Variants in RASSF4 observed in about 807,000 individuals in gnomAD.
RASSF4 encodes the protein Ras association domain family member 4.
Under a neutral mutation model 41.1 loss-of-function variants are expected in RASSF4, and 38 were observed. The observed-to-expected ratio is 0.92, with a 90% CI of 0.71 to 1.21. RASSF4 has a LOEUF of 1.21. RASSF4 is among the 50% of genes most tolerant of loss of function. The probability of loss-of-function intolerance (pLI) is 0.00; values close to 1 mark genes in which losing one functional copy is unlikely to be tolerated. For synonymous variants in RASSF4, 179 were observed against 163.4 expected (o/e 1.10, Z -0.73); for missense variants, 414 against 419.4 (o/e 0.99, Z 0.11).
chr10:44,982,604 C>A lies in RASSF4; in HGVS notation c.222C>A (p.Asp74Glu). 6.2e-7 allele frequency: 1 copy of A among 1,613,116 alleles called. No individual in the cohort carries two copies. Among genetic ancestry groups the A allele is most frequent in the Middle Eastern group, 1.7e-4 (1 of 6,048 alleles). ...CCATCCGGCTGCAGATGCAGGATGA[C>A]CGGGAGCAGGTGCACCTCCCCTCCA... ...RRPIRLQMQD[D>E]REQVHLPSTS... is the part of the protein sequence containing the mutation. Residue 74 changes from aspartate to glutamate, a missense_variant, in exon 4 of 11, where the codon GAC becomes GAA. Transcript: ENST00000340258.
chr10:44,982,361 C>T (rs1283106816), intron 3 of RASSF4, 160 bp from the exon 4 acceptor site: 6 of 871,316 alleles, frequency 6.9e-6, no homozygotes, highest in Middle Eastern at 2.2e-4. Flanking sequence ...TGGTCACACG[C>T]CCCAGGGCAC....
At chr10:44,974,477 G>A (rs1345787544) in intron 3 of RASSF4, among the ~76,000 whole-genome samples, 2 of 152,236 alleles carry the variant, frequency 1.3e-5, no homozygotes, top group Non-Finnish European at 2.9e-5. Flanking sequence ...TTTCCATTAG[G>A]CTTTGGAGGT....
rs78587105 is a variant in RASSF4 at position 44,982,217 on chromosome 10, T to C, written c.139-304T>C. The C allele has an allele frequency of 6.5e-3, 2,737 of 418,408 alleles. 72 individuals carry two copies. The highest frequency in any genetic ancestry group is 0.049 in the African/African-American group (2,338 of 47,260). 25.9% of individuals were successfully genotyped at this position (418,408 alleles called of 1,614,324 possible). A position where few individuals can be genotyped will look rare whatever the true frequency, so the allele number is the denominator to read the frequency against. On this transcript the variant is annotated intron_variant, in intron 3 of 10. Transcript: ENST00000340258. ...GGCTGTGCGTCCCTGGAACCACTTC[T>C]TCACCGCGGTGTGGACGTGCCTGCC...
At chr10:44,982,781 C>A in intron 4 of RASSF4, 118 bp downstream of exon 4, 1 of 1,112,932 alleles carries the variant, frequency 9.0e-7, no homozygotes, top group Non-Finnish European at 1.3e-6. Context: ...GGAGGGTGAC[C>A]CAGCCTCATC....
chr10:44,985,264 C>T (rs1348064205), intron 6 of RASSF4, among the ~76,000 whole-genome samples: 1 of 152,168 alleles, frequency 6.6e-6, no homozygotes, highest in Non-Finnish European at 1.5e-5. Context: ...AGGAGGCTTC[C>T]CCCCGAACTC....
chr10:44,969,336 T>TGA (rs1234424838), intron 1 of RASSF4, among the ~76,000 whole-genome samples: 3 of 151,650 alleles, frequency 2.0e-5, no homozygotes, highest in Non-Finnish European at 4.4e-5. Flanking sequence ...AGGCTGTGTG[T>TGA]GGAAAGAGGG....
Position 44,984,123 on chromosome 10 carries a change from G to T in RASSF4, c.373+10G>T. 1 of 1,587,834 alleles carries T rather than the reference G, an allele frequency of 6.3e-7. No individual in the cohort carries two copies. ...TCCACAGACAGCTCGGGTAAGCGGA[G>T]CCCGCAAGCTGCCCAGACCCCTGCC... On this transcript the variant is annotated intron_variant, in intron 5 of 10. Coordinates refer to ENST00000340258, the MANE Select transcript of RASSF4 (RefSeq NM_032023.4).
At position 44,977,425 on chromosome 10, in the gene RASSF4, G is replaced by C. The variant is rs752375184; in HGVS notation, c.139-5096G>C. ...CATGGATCACCGGGAGGTGCGAGTA[G>C]AGTGTTCTGAGGACACTGCTGGGGC... On this transcript the variant is annotated intron_variant, in intron 3 of 10. Transcript: ENST00000340258. The C allele has an allele frequency of 5.6e-6, 9 of 1,603,034 alleles. No individual in the cohort carries two copies. In the East Asian group the frequency reaches 1.8e-4, roughly 32 times the overall value.
At chr10:44,984,733 G>A in intron 5 of RASSF4, 80 bp from the exon 6 acceptor site, 1 of 1,515,912 alleles carries the variant, frequency 6.6e-7, no homozygotes, top group Non-Finnish European at 9.1e-7. Context: ...AGGGCTCTAG[G>A]GTGCCAGATC....
rs547500464 is a variant in RASSF4, at chr10:44,992,081, G to T, written c.905+79G>T. 4.5e-5 allele frequency: 41 copies of T among 913,910 alleles called. No homozygotes were observed. The African/African-American group carries it at 6.4e-4, about 14-fold the overall frequency. 56.6% of individuals were successfully genotyped at this position (913,910 alleles called of 1,614,324 possible). A position where few individuals can be genotyped will look rare whatever the true frequency, so the allele number is the denominator to read the frequency against. ...CAAAGCACAGCACCAGTGCCGGCTG[G>T]GAGGTCTCTCTCCTCCATGGGCACC... On this transcript the variant is annotated intron_variant, in intron 10 of 10. Coordinates refer to ENST00000340258, the MANE Select transcript of RASSF4 (RefSeq NM_032023.4).
chr10:44,984,436 G>A (rs112154702), intron 5 of RASSF4: 13 of 485,818 alleles, frequency 2.7e-5, no homozygotes, highest in East Asian at 2.4e-4. Context: ...CTCCCTCTGC[G>A]ACCTCGTCCT....
In RASSF4 at chr10:44,993,464, G is replaced by A. The variant is rs1588854728; in HGVS notation, c.*135G>A. 1 of 677,808 alleles carries A rather than the reference G, an allele frequency of 1.5e-6. No individual in the cohort carries two copies. The highest frequency in any genetic ancestry group is 2.8e-5 in the East Asian group (1 of 36,302). 42.0% of individuals were successfully genotyped at this position (677,808 alleles called of 1,614,324 possible). ...CGAGTGCCTGTGTGTCTACCTCTCT[G>A]AAGCCTGAGCACCATGATTCCCACA... On this transcript the variant is annotated 3_prime_UTR_variant, in exon 11 of 11. Coordinates refer to ENST00000340258, the MANE Select transcript of RASSF4 (RefSeq NM_032023.4).
chr10:44,967,585 G>A (rs748752281), intron 1 of RASSF4, among the ~76,000 whole-genome samples: 7 of 152,324 alleles, frequency 4.6e-5, no homozygotes, highest in Admixed American at 6.5e-5. Flanking sequence ...AGTCACCTCC[G>A]TGGCCATTGG....
chr10:44,993,596 C>T lies in RASSF4; in HGVS notation c.*267C>T, dbSNP rs1842200235. 1 of 506,718 alleles carries T rather than the reference C, an allele frequency of 2.0e-6. No individual in the cohort carries two copies. Among genetic ancestry groups the T allele is most frequent in the Non-Finnish European group, 3.6e-6 (1 of 277,714 alleles). The allele number at this position is 506,718 out of a possible 1,614,324, so 31.4% of individuals were successfully genotyped here. A position where few individuals can be genotyped will look rare whatever the true frequency, so the allele number is the denominator to read the frequency against. ...TGTGGCCAGCCCTGTCCACACCATG[C>T]CTCTCCTGCACTGGAGAGCAGTGCT... On this transcript the variant is annotated 3_prime_UTR_variant, in exon 11 of 11. Coordinates refer to ENST00000340258, the MANE Select transcript of RASSF4 (RefSeq NM_032023.4).
chr10:44,971,226 A>G, intron 2 of RASSF4: 1 of 325,072 alleles, frequency 3.1e-6, no homozygotes, highest in East Asian at 8.4e-5. Flanking sequence ...GGGAAGGGAG[A>G]CAGCGTTGAG....
intron 3 of RASSF4, among the ~76,000 whole-genome samples, chr10:44,973,446 G>C (rs528414893): frequency 6.6e-6 from 1 of 152,300 alleles, no homozygotes; most frequent in African/African-American, 2.4e-5. Context: ...CCTGGGGTGT[G>C]GTCACTGCTG....
Position 44,989,766 on chromosome 10 carries a change from T to C in RASSF4, c.685+45T>C, listed in dbSNP as rs115109771. ...CTGGATCGTAAAAGCAAAAGGTCTC[T>C]ACCTGTTCAGCAAGCCCCCTCCCCA... On this transcript the variant is annotated intron_variant, in intron 8 of 10. Transcript: ENST00000340258. The C allele has an allele frequency of 9.6e-4, 1,484 of 1,553,366 alleles. 17 individuals carry two copies. In the African/African-American group the frequency reaches 0.017, roughly 18 times the overall value.
intron 3 of RASSF4, chr10:44,977,591 G>T (rs763944336): frequency 6.2e-7 from 1 of 1,613,194 alleles, no homozygotes; most frequent in African/African-American, 1.3e-5. Flanking sequence ...CCCTCTGGGG[G>T]CCCCCATGGG....
chr10:44,984,349 C>A, intron 5 of RASSF4: 1 of 566,362 alleles, frequency 1.8e-6, no homozygotes. Context: ...GTGGGGGTGG[C>A]CTGAGTCCCC....
Sources: allele counts gnomAD v4.1 joint callset (sites outside exome capture counted in the v4.1 genomes callset), GRCh38; gene constraint gnomAD v4.1.1; transcripts MANE v1.5; gene names NCBI Gene and HGNC (gene_info 2026-07-23, HGNC 2026-07-21).